RHAG: variants seen among roughly 807,000 people sequenced by gnomAD.
RHAG encodes Rh associated glycoprotein.
A neutral mutation model predicts 42.4 loss-of-function variants in RHAG; 25 were observed. That is an observed-to-expected ratio of 0.59 (90% CI 0.43 to 0.82). The LOEUF (loss-of-function observed/expected upper bound fraction) is 0.82. Ranked by LOEUF, RHAG falls within the 40% of genes least tolerant of loss-of-function variation. The pLI is 0.00. For missense variants in RHAG, 483 were observed against 504.6 expected (o/e 0.96, Z 0.41); for synonymous variants, 182 against 177.7 (o/e 1.02, Z -0.19).
intron 9 of RHAG, 194 bp downstream of exon 9, chr6:49,606,654 C>T: frequency 3.7e-6 from 2 of 534,804 alleles, no homozygotes; most frequent in Non-Finnish European, 6.7e-6. Flanking sequence ...CAGGCTGGAC[C>T]CAAACTCCTG....
intron 7 of RHAG, among the ~76,000 whole-genome samples, chr6:49,607,929 T>C (rs996487773): frequency 6.6e-6 from 1 of 152,122 alleles, no homozygotes; most frequent in African/African-American, 2.4e-5. Context: ...TCTTCCAGTC[T>C]CATCATCCAA....
chr6:49,619,502 G>A, intron 1 of RHAG, 140 bp from the exon 2 acceptor site: 1 of 874,528 alleles, frequency 1.1e-6, no homozygotes, highest in South Asian at 1.5e-5. Context: ...GGAAGCAAAA[G>A]TCTTGTTCCA....
At chr6:49,633,093 T>TA (rs991783677) in intron 1 of RHAG, among the ~76,000 whole-genome samples, 1 of 152,204 alleles carries the variant, frequency 6.6e-6, no homozygotes, top group African/African-American at 2.4e-5. Context: ...CTCTACTGTT[T>TA]AAAAAAGCAC....
chr6:49,623,920 ACT>A (rs1762801866), intron 1 of RHAG, among the ~76,000 whole-genome samples: 3 of 152,158 alleles, frequency 2.0e-5, no homozygotes, highest in Admixed American at 2.0e-4. Flanking sequence ...CAAATTTTGC[ACT>A]CTGTTTTGGG....
At chr6:49,608,203 A>G (rs936922285) in intron 7 of RHAG, among the ~76,000 whole-genome samples, 1 of 152,202 alleles carries the variant, frequency 6.6e-6, no homozygotes, top group Admixed American at 6.5e-5. Flanking sequence ...GGATCCGTTT[A>G]TGTGAGTCAG....
At chr6:49,609,248 C>T (rs747341456) in intron 7 of RHAG, among the ~76,000 whole-genome samples, 2 of 152,090 alleles carry the variant, frequency 1.3e-5, no homozygotes, top group Non-Finnish European at 2.9e-5. Context: ...TATTCCTCTG[C>T]CTCCTACCCC....
chr6:49,635,693 A>G (rs1362439643), intron 1 of RHAG, among the ~76,000 whole-genome samples: 1 of 152,094 alleles, frequency 6.6e-6, no homozygotes, highest in African/African-American at 2.4e-5. Context: ...TATGTCACTT[A>G]GCAACTCTAG....
chr6:49,607,300 G>T (rs1329223870), intron 7 of RHAG, 80 bp from the exon 8 acceptor site: 2 of 1,058,410 alleles, frequency 1.9e-6, no homozygotes, highest in African/African-American at 1.6e-5. Context: ...GGGTGTGGAT[G>T]ACTGCCATCT....
Position 49,621,982 on chromosome 6 carries a change from A to G in RHAG, c.158-2620T>C, listed in dbSNP as rs145299375. Among the ~76,000 whole-genome samples, 282 of 148,176 alleles carry G rather than the reference A, an allele frequency of 1.9e-3. 2 individuals carry two copies. Among genetic ancestry groups the G allele is most frequent in the African/African-American group, 6.8e-3 (276 of 40,642 alleles). ...TTAATTACACAAAGTTTTTCCTAAC[A>G]TTCTTTTTTTTTTTTTCTTAGAGCA... On this transcript the variant is annotated intron_variant, in intron 1 of 9. Transcript: ENST00000371175.
chr6:49,636,448 A>T (rs985000386), intron 1 of RHAG, among the ~76,000 whole-genome samples: 5 of 152,172 alleles, frequency 3.3e-5, no homozygotes, highest in Non-Finnish European at 5.9e-5. Flanking sequence ...TCTTGTTCTG[A>T]TATTTTAATA....
At chr6:49,617,497 C>T (rs969162568) in intron 3 of RHAG, among the ~76,000 whole-genome samples, 1 of 152,222 alleles carries the variant, frequency 6.6e-6, no homozygotes, top group Non-Finnish European at 1.5e-5. Context: ...GAGTCCCCAA[C>T]ATCTAGAAAG....
Position 49,605,725 on chromosome 6 carries a change from G to T in RHAG, c.*88C>A. 1 of 1,208,902 alleles carries T rather than the reference G, an allele frequency of 8.3e-7. No homozygotes were observed. Among genetic ancestry groups the T allele is most frequent in the Non-Finnish European group, 1.2e-6 (1 of 810,164 alleles). 74.9% of individuals were successfully genotyped at this position (1,208,902 alleles called of 1,614,324 possible). ...TTATTTGGACTTGATTCTGGATAATGGGAAAGGAAGCTGGAGAGCAGGAAT... is the reference window on the plus strand; with the variant it reads ...TTATTTGGACTTGATTCTGGATAATTGGAAAGGAAGCTGGAGAGCAGGAAT... On this transcript the variant is annotated 3_prime_UTR_variant, in exon 10 of 10. Coordinates refer to ENST00000371175, the MANE Select transcript of RHAG (RefSeq NM_000324.3).
At chr6:49,614,039 GA>G (rs1458596452) in intron 5 of RHAG, among the ~76,000 whole-genome samples, 1 of 152,062 alleles carries the variant, frequency 6.6e-6, no homozygotes, top group Non-Finnish European at 1.5e-5. Flanking sequence ...TTGTTTCTAA[GA>G]AATCTTTTCT....
At chr6:49,631,319 G>A (rs992888487) in intron 1 of RHAG, among the ~76,000 whole-genome samples, 8 of 152,094 alleles carry the variant, frequency 5.3e-5, no homozygotes, top group Non-Finnish European at 2.9e-5. Context: ...GAACATTGCT[G>A]AAATGAATTA....
intron 5 of RHAG, among the ~76,000 whole-genome samples, chr6:49,612,872 C>T (rs1166650035): frequency 1.3e-5 from 2 of 152,040 alleles, no homozygotes; most frequent in African/African-American, 4.8e-5. Context: ...TCTATTTATG[C>T]AGTTTTCGGA....
At chr6:49,619,033 A>G in intron 2 of RHAG, 146 bp downstream of exon 2, 1 of 874,934 alleles carries the variant, frequency 1.1e-6, no homozygotes, top group Non-Finnish European at 1.9e-6. Context: ...TCACAAGGAC[A>G]CTGATCCCAT....
chr6:49,634,855 A>G (rs1762984161), intron 1 of RHAG, among the ~76,000 whole-genome samples: 1 of 151,948 alleles, frequency 6.6e-6, no homozygotes, highest in African/African-American at 2.4e-5. Context: ...GAGGTATACA[A>G]CTTGACATTT....
intron 8 of RHAG, 35 bp downstream of exon 8, chr6:49,607,115 T>A: frequency 6.5e-7 from 1 of 1,548,762 alleles, no homozygotes; most frequent in South Asian, 1.1e-5. Flanking sequence ...TCTGAGAGCA[T>A]AAGATACAGG....
chr6:49,633,840 T>A (rs1198659980), intron 1 of RHAG, among the ~76,000 whole-genome samples: 3 of 152,164 alleles, frequency 2.0e-5, no homozygotes, highest in Non-Finnish European at 2.9e-5. Flanking sequence ...ATGGCATTTT[T>A]TTTAACCATC....
Sources: allele counts gnomAD v4.1 joint callset (sites outside exome capture counted in the v4.1 genomes callset), GRCh38; gene constraint gnomAD v4.1.1; transcripts MANE v1.5; gene names NCBI Gene and HGNC (gene_info 2026-07-23, HGNC 2026-07-21).